TNK2: variants seen among roughly 807,000 people sequenced by gnomAD.
The protein encoded by TNK2 is activated CDC42 kinase 1.
TNK2 carries 83 observed loss-of-function variants against 101.8 expected under a neutral mutation model. That is an observed-to-expected ratio of 0.82 (90% CI 0.68 to 0.98). TNK2 has a LOEUF of 0.98. Among genes scored for constraint, TNK2 ranks in the 50% least tolerant of loss-of-function variants. The pLI, the probability that TNK2 is intolerant of heterozygous loss-of-function variation, is 0.00. For missense variants in TNK2, 1,665 were observed against 1,483.2 expected, an observed-to-expected ratio of 1.12 and a Z score of -2.01; for synonymous variants, 804 against 633.0, an observed-to-expected ratio of 1.27 and a Z score of -4.06.
Position 195,882,471 on chromosome 3 carries a change from C to A in TNK2, c.610-143G>T. 6.5e-7 allele frequency: 1 copy of A among 1,545,958 alleles called. No homozygotes were observed. On this transcript the variant is annotated intron_variant, in intron 5 of 15. Transcript: ENST00000672887. This position sits in a 1 kb window ranked among gnomAD's most constrained non-coding sequence, Gnocchi z 4.2. ...TTCCTGGCCTGCTGTCTGGGGACCT[C>A]TAGGAGTCCTGCAGTTTCTCAGGCC...
At position 195,884,812 on chromosome 3, in the gene TNK2, C is replaced by T. The variant is rs1459991403; in HGVS notation, c.456G>A (p.Thr152=). The T allele has an allele frequency of 1.7e-5, 28 of 1,607,982 alleles. No homozygotes were observed. Among genetic ancestry groups the T allele is most frequent in the Middle Eastern group, 2.2e-4 (1 of 4,592 alleles). ...RGEWDAPSGK[T]VSVAVKCLKP... ...CGCTGGCAGGACACAGAGAGCTCAC[C>T]GTCTTCCCTGAGGGCGCGTCCCACT... Residue 152 remains threonine, a splice_region_variant and synonymous_variant, in exon 4 of 16, where the codon ACG becomes ACA. Coordinates refer to ENST00000672887, the MANE Select transcript of TNK2 (RefSeq NM_001382273.1).
intron 1 of TNK2, chr3:195,896,805 T>C (rs1198223052): frequency 2.6e-5 from 4 of 152,358 alleles, no homozygotes; most frequent in Admixed American, 6.5e-5. Context: ...TGTCTCTTTA[T>C]ATCTCCACTC....
intron 10 of TNK2, chr3:195,870,466 G>C (rs781536139): frequency 2.9e-5 from 37 of 1,256,546 alleles, no homozygotes; most frequent in Admixed American, 2.1e-4. Context: ...CAAGGGCAGA[G>C]GTGGTCCTCC....
rs778864476 is a variant in TNK2, at chr3:195,867,546, C to T, written c.2752G>A (p.Ala918Thr). 2.1e-4 allele frequency: 80 copies of T among 377,704 alleles called. No homozygotes were observed. The highest frequency in any genetic ancestry group is 3.6e-4 in the South Asian group (12 of 33,006). 23.4% of individuals were successfully genotyped at this position (377,704 alleles called of 1,614,324 possible). A position where few individuals can be genotyped will look rare whatever the true frequency, so the allele number is the denominator to read the frequency against. Residue 918 changes from alanine to threonine, a missense_variant, in exon 13 of 16, where the codon GCC becomes ACC. By Grantham distance (58) the Ala-to-Thr change is moderately conservative. This residue lies in a region of TNK2 where 1,136 missense variants were observed against 894.9 expected (regional missense o/e 1.27). Transcript: ENST00000672887. ...GGCCGCACGGTGGCCGTGGGGGCGG[C>T]GGGGGCTGGGGTGCTGGGTGGGGGC... is the stretch of plus-strand genomic sequence containing the variant. ...LLPPPSTPAP[A>T]APTATVRPMP...
chr3:195,899,396 G>A (rs1053812464), intron 1 of TNK2, among the ~76,000 whole-genome samples: 4 of 151,838 alleles, frequency 2.6e-5, no homozygotes, highest in Admixed American at 6.6e-5. Flanking sequence ...GCGCGATCTC[G>A]GCTGACTGCA....
chr3:195,896,454 G>A (rs1174416315), intron 1 of TNK2, among the ~76,000 whole-genome samples: 1 of 152,046 alleles, frequency 6.6e-6, no homozygotes, highest in Non-Finnish European at 1.5e-5. Context: ...CAGGGTAGGT[G>A]GATGACTGCC....
rs1743389780 is a variant in TNK2, at chr3:195,869,507, G to A, written c.1578C>T (p.Phe526=). Residue 526 remains phenylalanine (F), a synonymous_variant, in exon 12 of 16, where the codon TTC becomes TTT. Coordinates refer to ENST00000672887, the MANE Select transcript of TNK2 (RefSeq NM_001382273.1). ...EPPPRPPQPA[F]FTQKPTYDPV... is the part of the protein sequence containing the mutation. ...AGCAGCCCCACTTACTCTGAGTGAA[G>A]AAGGCAGGCTGAGGTGGGCGAGGTG... is the stretch of plus-strand genomic sequence containing the variant. The A allele has an allele frequency of 6.4e-7, 1 of 1,550,990 alleles. No individual in the cohort carries two copies.
Position 195,888,855 on chromosome 3 carries a change from C to G in TNK2, c.-18-249G>C, listed in dbSNP as rs992390235. ...GAGTCAGGAGTCAGGGTCTTGCTCC[C>G]GAAATGTGATCTGTGACTGAGTGAC... is the stretch of plus-strand genomic sequence containing the variant. On this transcript the variant is annotated intron_variant, in intron 1 of 15. Transcript: ENST00000672887. This position sits in a 1 kb window ranked among gnomAD's most constrained non-coding sequence, Gnocchi z 5.3. Among the ~76,000 whole-genome samples the G allele has an allele frequency of 3.9e-5, 6 of 152,066 alleles. No homozygotes were observed. The highest frequency in any genetic ancestry group is 7.4e-5 in the Non-Finnish European group (5 of 68,026).
At position 195,878,738 on chromosome 3, in the gene TNK2, T is replaced by C; in HGVS notation, c.1015-146A>G. 2 of 1,263,952 alleles carry C rather than the reference T, an allele frequency of 1.6e-6. No homozygotes were observed. The highest frequency in any genetic ancestry group is 2.2e-6 in the Non-Finnish European group (2 of 929,688). The allele number at this position is 1,263,952 out of a possible 1,614,324, so 78.3% of individuals were successfully genotyped here. A position where few individuals can be genotyped will look rare whatever the true frequency, so the allele number is the denominator to read the frequency against. Reference sequence around the variant, plus strand: ...GGATCTGCCTGCCTGGGAGGGGCCCTCTCCAGAGCCCCAGTCCCTTCTTCC... The same window carrying C: ...GGATCTGCCTGCCTGGGAGGGGCCCCCTCCAGAGCCCCAGTCCCTTCTTCC... On this transcript the variant is annotated intron_variant, in intron 7 of 15. Coordinates refer to ENST00000672887, the MANE Select transcript of TNK2 (RefSeq NM_001382273.1). The surrounding 1 kb of genome is among the most constrained non-coding windows in gnomAD (Gnocchi z 4.7).
chr3:195,868,437 G>A lies in TNK2; in HGVS notation c.1861C>T (p.Gln621Ter). The A allele has an allele frequency of 6.4e-7, 1 of 1,567,902 alleles. No homozygotes were observed. Among genetic ancestry groups the A allele is most frequent in the Non-Finnish European group, 8.6e-7 (1 of 1,165,586 alleles). The change falls in exon 13 of 16, where the codon CAG becomes TAG. Residue 621 changes from glutamine (Q) to a stop codon, truncating the protein, a stop_gained. Coordinates refer to ENST00000672887, the MANE Select transcript of TNK2 (RefSeq NM_001382273.1). LOFTEE classifies it high-confidence loss of function. ...ACSLLDETPP[Q>*]SPTRALPRPL... Reference sequence around the variant, plus strand: ...CGGGGCAGTGCCCGCGTGGGGCTCTGAGGCGGGGTCTCGTCCAGCAGGGAG... The same window carrying A: ...CGGGGCAGTGCCCGCGTGGGGCTCTAAGGCGGGGTCTCGTCCAGCAGGGAG...
chr3:195,866,907 C>T lies in TNK2; in HGVS notation c.3143G>A (p.Trp1048Ter). Residue 1048 changes from tryptophan to a stop codon, truncating the protein, a stop_gained, in exon 15 of 16, where the codon TGG (tryptophan) becomes TAG (stop). Coordinates refer to ENST00000672887, the MANE Select transcript of TNK2 (RefSeq NM_001382273.1). LOFTEE classifies it high-confidence loss of function. The stretch of plus-strand genomic sequence containing the variant: ...CACTCACTTGTGGTGGGCAGGGCCC[C>T]AGGAGCCCAGAAGGTGGCAGCCGGC... ...EQAGCHLLGSWGPAHHKR is the reference protein window; with the variant it reads ...EQAGCHLLGS 2 of 1,611,450 alleles carry T rather than the reference C, an allele frequency of 1.2e-6. No individual in the cohort carries two copies. Among genetic ancestry groups the T allele is most frequent in the Non-Finnish European group, 1.7e-6 (2 of 1,179,268 alleles).
At chr3:195,869,033 G>A (rs959854222) in intron 12 of TNK2, 43 of 460,906 alleles carry the variant, frequency 9.3e-5, no homozygotes, top group East Asian at 7.2e-4. Context: ...CTGCTCCTGC[G>A]CCCTGGCGAG....
Position 195,867,536 on chromosome 3 carries a change from G to A in TNK2, c.2762C>T (p.Thr921Met), listed in dbSNP as rs755551695. Residue 921 changes from threonine (T) to methionine (M), a missense_variant, in exon 13 of 16, where the codon ACG (threonine) becomes ATG (methionine). By Grantham distance (81) the Thr-to-Met change is moderately conservative (BLOSUM62 -1). Transcript: ENST00000672887. ...CTGGGGCATCGGCCGCACGGTGGCC[G>A]TGGGGGCGGCGGGGGCTGGGGTGCT... ...PPSTPAPAAP[T>M]ATVRPMPQAA... 140 of 1,535,536 alleles carry A rather than the reference G, an allele frequency of 9.1e-5. No homozygotes were observed. Among genetic ancestry groups the A allele is most frequent in the Middle Eastern group, 2.4e-4 (1 of 4,230 alleles).
chr3:195,867,091 CA>C (rs1300665161), intron 14 of TNK2, 75 bp from the exon 15 acceptor site: 4 of 1,607,532 alleles, frequency 2.5e-6, no homozygotes, highest in Non-Finnish European at 3.4e-6. Context: ...GAGTCGGAGC[CA>C]GGGGGCGTGG....
rs1753759428 is a variant in TNK2 at position 195,882,749 on chromosome 3, T to C, written c.609+408A>G. On this transcript the variant is annotated intron_variant, in intron 5 of 15. Coordinates refer to ENST00000672887, the MANE Select transcript of TNK2 (RefSeq NM_001382273.1). This position sits in a 1 kb window ranked among gnomAD's most constrained non-coding sequence, Gnocchi z 4.2. ...AGCGCACGGCTGTAATCCCAGCTAC[T>C]TGGAAGCCTGAGGCAGGAATATCGC... 1.3e-5 allele frequency among the ~76,000 whole-genome samples: 2 copies of C among 152,094 alleles called. No individual in the cohort carries two copies. The highest frequency in any genetic ancestry group is 2.4e-5 in the African/African-American group (1 of 41,412).
At chr3:195,887,442 C>T (rs973657492) in intron 2 of TNK2, among the ~76,000 whole-genome samples, 2 of 152,140 alleles carry the variant, frequency 1.3e-5, no homozygotes, top group African/African-American at 4.8e-5. Context: ...CACATTACTA[C>T]CTATTTAGCT....
At chr3:195,883,125 C>T in intron 5 of TNK2, 32 bp downstream of exon 5, 1 of 1,596,606 alleles carries the variant, frequency 6.3e-7, no homozygotes, top group Non-Finnish European at 8.5e-7. Flanking sequence ...GAGCCCTCTC[C>T]CTGCCCGCCC....
rs1179606450 is a variant in TNK2, at chr3:195,870,901, TGGGCCCGCTGTGTGGGTTCTGGTGTGTGG to T, written c.1452-725_1452-697del. Among the ~76,000 whole-genome samples the T allele has an allele frequency of 1.8e-4, 23 of 130,360 alleles. 1 individual carries two copies. The highest frequency in any genetic ancestry group is 1.6e-3 in the Admixed American group (21 of 13,500). 85.5% of individuals were successfully genotyped at this position (130,360 alleles called of 152,430 possible). ...TGTGAGCTTGGGGTTCCAGTGTGTG[TGGGCCCGCTGTGTGGGTTCTGGTGTGTGG>T]GGGCCCGCTGTGTGGGTTCTGGTGT... On this transcript the variant is annotated intron_variant, in intron 10 of 15. Transcript: ENST00000672887.
chr3:195,895,200 G>T, intron 1 of TNK2: 1 of 1,461,200 alleles, frequency 6.8e-7, no homozygotes, highest in Admixed American at 2.7e-5. Context: ...CAGACGAAGG[G>T]GTCTGGGGCC....
Sources: gnomAD v4.1 joint callset for allele counts (sites outside exome capture counted in the v4.1 genomes callset) on GRCh38, gnomAD v4.1.1 for gene constraint, gnomAD v4.1.1 regional missense constraint, Gnocchi (gnomAD v3.1) non-coding constraint, MANE v1.5 for transcripts, NCBI Gene and HGNC (gene_info 2026-07-23, HGNC 2026-07-21) for gene names.